TK2: variants seen among roughly 807,000 people sequenced by gnomAD.
TK2 encodes the protein thymidine kinase 2, mitochondrial.
In TK2, 35 loss-of-function variants were observed where a neutral mutation model predicts 41.9. That is an observed-to-expected ratio of 0.84 (90% confidence interval 0.64 to 1.11). The LOEUF (loss-of-function observed/expected upper bound fraction) is 1.11. TK2 is among the 50% of genes least tolerant of loss of function. The pLI is 0.00. For synonymous variants in TK2, 128 were observed against 129.1 expected (o/e 0.99, Z 0.06); for missense variants, 320 against 351.1 (o/e 0.91, Z 0.71).
At chr16:66,542,036 A>G in intron 2 of TK2, 83 bp from the exon 3 acceptor site, 2 of 1,436,960 alleles carry the variant, frequency 1.4e-6, no homozygotes, top group Admixed American at 3.4e-5. Flanking sequence ...GAAAGGGCTC[A>G]TGTAACCAGC....
intron 9 of TK2, among the ~76,000 whole-genome samples, chr16:66,513,179 A>G (rs185133422): frequency 2.0e-5 from 3 of 152,364 alleles, no homozygotes; most frequent in African/African-American, 7.2e-5. Flanking sequence ...AGACACATCA[A>G]TATCAGTCAG....
intron 2 of TK2, among the ~76,000 whole-genome samples, chr16:66,547,418 A>G (rs980204501): frequency 6.6e-6 from 1 of 152,042 alleles, no homozygotes. Context: ...ACCTATTCTC[A>G]GTCCCTCTGC....
At chr16:66,530,848 G>C (rs1597093753) in intron 5 of TK2, among the ~76,000 whole-genome samples, 1 of 151,994 alleles carries the variant, frequency 6.6e-6, no homozygotes, top group East Asian at 1.9e-4. Context: ...CTCCCAAGTG[G>C]CTGGGATTAT....
chr16:66,548,881 A>C (rs1373389103), intron 2 of TK2, 97 bp downstream of exon 2: 2 of 1,227,686 alleles, frequency 1.6e-6, no homozygotes. Context: ...TTTGCTTTTT[A>C]CTATGGAATG....
intron 6 of TK2, among the ~76,000 whole-genome samples, chr16:66,524,294 T>C (rs1357320085): frequency 3.3e-5 from 5 of 152,182 alleles, no homozygotes; most frequent in East Asian, 3.9e-4. Context: ...GGTCGTGGCA[T>C]TGGGATGGAG....
chr16:66,519,501 CT>C (rs965456958), intron 6 of TK2, among the ~76,000 whole-genome samples: 6 of 152,028 alleles, frequency 3.9e-5, no homozygotes, highest in Non-Finnish European at 8.8e-5. Flanking sequence ...TAAATGTTAA[CT>C]TTAAAAGAAA....
intron 6 of TK2, among the ~76,000 whole-genome samples, chr16:66,523,498 C>G (rs572457317): frequency 3.5e-4 from 53 of 152,342 alleles, no homozygotes; most frequent in African/African-American, 1.3e-3. Flanking sequence ...GTGACAATGA[C>G]AGTAATCTGC....
intron 6 of TK2, among the ~76,000 whole-genome samples, chr16:66,526,840 C>A (rs149787094): frequency 6.6e-6 from 1 of 152,232 alleles, no homozygotes; most frequent in South Asian, 2.1e-4. Flanking sequence ...CCCCACTCTG[C>A]GAGGTTCATA....
At chr16:66,548,565 C>T (rs1965678665) in intron 2 of TK2, 1 of 244,802 alleles carries the variant, frequency 4.1e-6, no homozygotes, top group Admixed American at 5.2e-5. Flanking sequence ...AATGGTTTCT[C>T]TCTGATCCCC....
intron 6 of TK2, among the ~76,000 whole-genome samples, chr16:66,521,621 C>T (rs948070635): frequency 2.0e-5 from 3 of 152,176 alleles, no homozygotes; most frequent in African/African-American, 7.2e-5. Context: ...TCCATGACTC[C>T]GAGGGACATG....
Position 66,512,078 on chromosome 16 carries a change from A to G in TK2, c.700-12T>C. 1 of 1,612,046 alleles carries G rather than the reference A, an allele frequency of 6.2e-7. No individual in the cohort carries two copies. Among genetic ancestry groups the G allele is most frequent in the Non-Finnish European group, 8.5e-7 (1 of 1,178,090 alleles). Reference sequence around the variant, plus strand: ...TCAGCCTCAATCACCTGGAAATTAGACACATGGGTCACAAGGCTGCACTGA... The same window carrying G: ...TCAGCCTCAATCACCTGGAAATTAGGCACATGGGTCACAAGGCTGCACTGA... On this transcript the variant is annotated splice_polypyrimidine_tract_variant and intron_variant, in intron 9 of 9. Coordinates refer to ENST00000544898, the MANE Select transcript of TK2 (RefSeq NM_004614.5).
At chr16:66,533,295 C>T (rs924286488) in intron 4 of TK2, among the ~76,000 whole-genome samples, 1 of 135,472 alleles carries the variant, frequency 7.4e-6, no homozygotes, top group Non-Finnish European at 1.5e-5. Context: ...CAGATCATGC[C>T]ACTGTACTCC....
chr16:66,546,753 A>G (rs1597111616), intron 2 of TK2: 1 of 135,770 alleles, frequency 7.4e-6, no homozygotes. Flanking sequence ...CTACTATTTG[A>G]TTTTTTTTTT....
chr16:66,531,575 T>C (rs773061274), intron 4 of TK2, 106 bp from the exon 5 acceptor site: 14 of 1,091,146 alleles, frequency 1.3e-5, no homozygotes, highest in Admixed American at 5.8e-5. Flanking sequence ...ACAGGCAGGG[T>C]TGGGGCTGGA....
chr16:66,524,913 G>A (rs1311442523), intron 6 of TK2: 1 of 152,324 alleles, frequency 6.6e-6, no homozygotes, highest in African/African-American at 2.4e-5. Flanking sequence ...TGGCCTTGAT[G>A]AGAGAAATCT....
chr16:66,530,666 T>C (rs147233300), intron 5 of TK2, among the ~76,000 whole-genome samples: 1 of 152,006 alleles, frequency 6.6e-6, no homozygotes, highest in East Asian at 1.9e-4. Flanking sequence ...GCCTCATCCC[T>C]AGAATTTCTA....
rs376997568 is a variant in TK2 at position 66,525,217 on chromosome 16, G to GC, written c.449+3776dup. On this transcript the variant is annotated intron_variant, in intron 6 of 9. Transcript: ENST00000544898. The stretch of plus-strand genomic sequence containing the variant: ...CTTGCCCTGGGAAGGTGTTTTGAAT[G>GC]CCGCTACCCCTTGGTTCTCTGCCTC... Among the ~76,000 whole-genome samples the GC allele has an allele frequency of 4.3e-3, 653 of 152,252 alleles. 3 individuals carry two copies. Among genetic ancestry groups the GC allele is most frequent in the Middle Eastern group, 0.017 (5 of 294 alleles).
chr16:66,544,366 T>C (rs1965543041), intron 2 of TK2, among the ~76,000 whole-genome samples: 1 of 152,326 alleles, frequency 6.6e-6, no homozygotes, highest in South Asian at 2.1e-4. Flanking sequence ...AAGGAGAAAC[T>C]ATCACCCATA....
At chr16:66,542,302 C>A (rs566047700) in intron 2 of TK2, among the ~76,000 whole-genome samples, 1 of 152,102 alleles carries the variant, frequency 6.6e-6, no homozygotes, top group East Asian at 1.9e-4. Flanking sequence ...GCCTCCTTAA[C>A]GAGAGCTTAA....
Sources: allele counts gnomAD v4.1 joint callset (sites outside exome capture counted in the v4.1 genomes callset), GRCh38; gene constraint gnomAD v4.1.1; transcripts MANE v1.5; gene names NCBI Gene and HGNC (gene_info 2026-07-23, HGNC 2026-07-21).